The following JAZF1 variants were observed in gnomAD, a reference collection of about 807,000 sequenced individuals.
JAZF1 encodes the protein JAZF zinc finger 1, also known as juxtaposed with another zinc finger protein 1.
JAZF1 carries 8 observed loss-of-function variants against 26.4 expected under a neutral mutation model. The observed-to-expected ratio is 0.30, with a 90% CI of 0.18 to 0.55. The LOEUF (loss-of-function observed/expected upper bound fraction) is 0.55, where lower values mean the gene tolerates loss of function less well. Ranked by LOEUF, JAZF1 falls within the 20% of genes least tolerant of loss-of-function variation. JAZF1 has a pLI of 0.94. For synonymous variants in JAZF1, 126 were observed against 122.3 expected, an observed-to-expected ratio of 1.03 and a Z score of -0.20; for missense variants, 199 against 322.0, an observed-to-expected ratio of 0.62 and a Z score of 2.92.
chr7:28,114,375 G>A (rs1325303995), intron 1 of JAZF1, among the ~76,000 whole-genome samples: 1 of 151,872 alleles, frequency 6.6e-6, no homozygotes, highest in Non-Finnish European at 1.5e-5. Flanking sequence ...AACTCACTGC[G>A]GGTTTGGTGC....
chr7:28,007,435 G>A (rs1782723270), intron 1 of JAZF1, among the ~76,000 whole-genome samples: 2 of 152,174 alleles, frequency 1.3e-5, no homozygotes, highest in African/African-American at 2.4e-5. Context: ...CAGGTGTGGT[G>A]GTGTGTGCCT....
chr7:27,869,567 T>C (rs1295996097), intron 3 of JAZF1, among the ~76,000 whole-genome samples: 1 of 152,128 alleles, frequency 6.6e-6, no homozygotes, highest in Non-Finnish European at 1.5e-5. Context: ...AGGCTTCTAT[T>C]TGGGTCCCTT....
Position 27,830,878 on chromosome 7 carries a change from T to G in JAZF1, c.*1922A>C, listed in dbSNP as rs1166023925. The G allele has an allele frequency of 9.3e-6, 2 of 214,334 alleles. No individual in the cohort carries two copies. The highest frequency in any genetic ancestry group is 1.9e-5 in the Non-Finnish European group (2 of 105,982). The allele number at this position is 214,334 out of a possible 1,614,324, so 13.3% of individuals were successfully genotyped here. ...AATTGGAATTTATCTTTGAAAGCAT[T>G]GAAAGAAATTTAACATGCACAATGA... On this transcript the variant is annotated 3_prime_UTR_variant, in exon 5 of 5. Coordinates refer to ENST00000283928, the MANE Select transcript of JAZF1 (RefSeq NM_175061.4).
At chr7:27,918,482 G>A (rs1158908882) in intron 2 of JAZF1, among the ~76,000 whole-genome samples, 1 of 152,208 alleles carries the variant, frequency 6.6e-6, no homozygotes, top group East Asian at 1.9e-4. Context: ...CAGAGTTCAT[G>A]TTGTAGGCAT....
chr7:28,024,274 G>A (rs991132747), intron 1 of JAZF1, among the ~76,000 whole-genome samples: 1 of 152,096 alleles, frequency 6.6e-6, no homozygotes, highest in African/African-American at 2.4e-5. Flanking sequence ...CAGTTTGGGT[G>A]ATAGAACAAG....
At chr7:27,999,807 C>T (rs1298460193) in intron 1 of JAZF1, among the ~76,000 whole-genome samples, 1 of 152,186 alleles carries the variant, frequency 6.6e-6, no homozygotes, top group African/African-American at 2.4e-5. Context: ...TCAGCTCAGA[C>T]AGCTCTGCCT....
At chr7:28,028,496 T>C (rs1180383355) in intron 1 of JAZF1, among the ~76,000 whole-genome samples, 1 of 152,214 alleles carries the variant, frequency 6.6e-6, no homozygotes, top group Non-Finnish European at 1.5e-5. Flanking sequence ...TGTAGAGATG[T>C]TGCAACATTC....
chr7:27,905,267 TTTTTCTAAG>T (rs1175341204), intron 2 of JAZF1, among the ~76,000 whole-genome samples: 7 of 152,120 alleles, frequency 4.6e-5, no homozygotes, highest in African/African-American at 9.7e-5. Context: ...GCCTGGCCTG[TTTTTCTAAG>T]TTTTCTAAGT....
chr7:27,998,466 C>A (rs1786067383), intron 1 of JAZF1, among the ~76,000 whole-genome samples: 1 of 151,960 alleles, frequency 6.6e-6, no homozygotes. Flanking sequence ...TTGGCAACGG[C>A]CCTTTAAAAA....
intron 1 of JAZF1, among the ~76,000 whole-genome samples, chr7:28,093,173 A>T (rs1311118282): frequency 6.6e-6 from 1 of 152,128 alleles, no homozygotes; most frequent in Non-Finnish European, 1.5e-5. Context: ...TCCCCACCCA[A>T]ATCTCATACT....
At chr7:28,176,601 C>T (rs1483199444) in intron 1 of JAZF1, among the ~76,000 whole-genome samples, 1 of 152,172 alleles carries the variant, frequency 6.6e-6, no homozygotes, top group African/African-American at 2.4e-5. Flanking sequence ...GTCTGGCCCC[C>T]TATCCTAGAA....
chr7:28,132,258 C>T (rs907708207), intron 1 of JAZF1, among the ~76,000 whole-genome samples: 1 of 152,114 alleles, frequency 6.6e-6, no homozygotes, highest in African/African-American at 2.4e-5. Flanking sequence ...TTAGGGAGAA[C>T]GAGGATCAGC....
chr7:28,136,249 C>T (rs556132009), intron 1 of JAZF1, among the ~76,000 whole-genome samples: 137 of 152,324 alleles, frequency 9.0e-4, no homozygotes, highest in African/African-American at 3.2e-3. Flanking sequence ...AGCTGGGACA[C>T]AGAGTTTAAG....
At chr7:27,851,126 A>G (rs1171541949) in intron 3 of JAZF1, among the ~76,000 whole-genome samples, 3 of 152,098 alleles carry the variant, frequency 2.0e-5, no homozygotes, top group African/African-American at 4.8e-5. Flanking sequence ...TATTTTTAGT[A>G]GAGACAGGGT....
chr7:27,865,703 A>G (rs1783461720), intron 3 of JAZF1, among the ~76,000 whole-genome samples: 3 of 152,094 alleles, frequency 2.0e-5, no homozygotes, highest in African/African-American at 7.2e-5. Context: ...CCTCCCCACC[A>G]GGAACCTGAA....
chr7:27,986,418 A>G (rs1324108699), intron 2 of JAZF1, among the ~76,000 whole-genome samples: 1 of 152,210 alleles, frequency 6.6e-6, no homozygotes, highest in Non-Finnish European at 1.5e-5. Context: ...GATGTGAAGG[A>G]CCTCTTCAAG....
intron 3 of JAZF1, chr7:27,864,171 G>C (rs1266145488): frequency 6.6e-6 from 1 of 152,148 alleles, no homozygotes; most frequent in African/African-American, 2.4e-5. Flanking sequence ...CCCTCACTCT[G>C]CATCAGGGAA....
chr7:28,109,846 A>G (rs1215556023), intron 1 of JAZF1, among the ~76,000 whole-genome samples: 2 of 152,206 alleles, frequency 1.3e-5, no homozygotes, highest in African/African-American at 4.8e-5. Flanking sequence ...CCAACAACTG[A>G]AGAGAGAATC....
At chr7:27,997,672 A>G (rs1786043832) in intron 1 of JAZF1, among the ~76,000 whole-genome samples, 1 of 152,076 alleles carries the variant, frequency 6.6e-6, no homozygotes, top group South Asian at 2.1e-4. Context: ...GGCTCAAGAT[A>G]TCCTCCTGCC....
Sources: gnomAD v4.1 joint callset for allele counts (sites outside exome capture counted in the v4.1 genomes callset) on GRCh38, gnomAD v4.1.1 for gene constraint, MANE v1.5 for transcripts, NCBI Gene and HGNC (gene_info 2026-07-23, HGNC 2026-07-21) for gene names.